TIMP2: variants seen among roughly 807,000 people sequenced by gnomAD.
TIMP2 encodes metalloproteinase inhibitor 2.
A neutral mutation model predicts 24.3 loss-of-function variants in TIMP2; 5 were observed. That is an observed-to-expected ratio of 0.21 (90% CI 0.11 to 0.43). The LOEUF is 0.43. Among genes scored for constraint, TIMP2 ranks in the 20% least tolerant of loss-of-function variants. The pLI is 1.00. For missense variants in TIMP2, 221 were observed against 297.5 expected (o/e 0.74, Z 1.89); for synonymous variants, 130 against 123.2 (o/e 1.06, Z -0.37).
At chr17:78,901,695 A>G in intron 1 of TIMP2, 2 of 716,194 alleles carry the variant, frequency 2.8e-6, no homozygotes, top group East Asian at 2.7e-5. Context: ...GATGGGGATG[A>G]TAACAACAGC....
At chr17:78,879,917 G>T (rs532745600) in intron 1 of TIMP2, among the ~76,000 whole-genome samples, 27 of 151,938 alleles carry the variant, frequency 1.8e-4, no homozygotes, top group African/African-American at 6.3e-4. Flanking sequence ...GAGTGGGGAC[G>T]GAAAAGAACC....
At chr17:78,866,260 C>T (rs773957882) in intron 3 of TIMP2, among the ~76,000 whole-genome samples, 1 of 152,194 alleles carries the variant, frequency 6.6e-6, no homozygotes, top group African/African-American at 2.4e-5. Flanking sequence ...GCCTCTGCCA[C>T]GCGCCACCGT....
rs953695267 is a variant in TIMP2 at position 78,924,205 on chromosome 17, G to A, written c.130+754C>T. ...TGGGGGCTAGGAGTCCGGAGGTCAT[G>A]GGTATTTGCTGGGGAATCTGAGCAG... On this transcript the variant is annotated intron_variant, in intron 1 of 4. Coordinates refer to ENST00000262768, the MANE Select transcript of TIMP2 (RefSeq NM_003255.5). This position sits in a 1 kb window ranked among gnomAD's most constrained non-coding sequence, Gnocchi z 5.3. 1.1e-4 allele frequency among the ~76,000 whole-genome samples: 17 copies of A among 152,240 alleles called. No individual in the cohort carries two copies. Among genetic ancestry groups the A allele is most frequent in the African/African-American group, 2.4e-5 (1 of 41,468 alleles).
chr17:78,885,117 G>T (rs539810382), intron 1 of TIMP2, among the ~76,000 whole-genome samples: 1 of 152,352 alleles, frequency 6.6e-6, no homozygotes, highest in South Asian at 2.1e-4. Flanking sequence ...AAGCCTCACG[G>T]ACCAACAGGG....
At chr17:78,884,062 C>T (rs1353536411) in intron 1 of TIMP2, among the ~76,000 whole-genome samples, 6 of 152,244 alleles carry the variant, frequency 3.9e-5, no homozygotes, top group Non-Finnish European at 8.8e-5. Context: ...TCAAGACCCA[C>T]GGAACAGCCA....
At chr17:78,910,018 A>C (rs1206060938) in intron 1 of TIMP2, among the ~76,000 whole-genome samples, 1 of 152,144 alleles carries the variant, frequency 6.6e-6, no homozygotes, top group East Asian at 1.9e-4. Context: ...TAATGGACAC[A>C]TAATTGTAAT....
At chr17:78,895,703 C>A (rs1354326273) in intron 1 of TIMP2, among the ~76,000 whole-genome samples, 2 of 152,318 alleles carry the variant, frequency 1.3e-5, no homozygotes, top group East Asian at 3.9e-4. Context: ...ACTTTCCCAG[C>A]TCACATGGAG....
At chr17:78,918,047 C>T (rs370075242) in intron 1 of TIMP2, among the ~76,000 whole-genome samples, 4 of 150,920 alleles carry the variant, frequency 2.7e-5, no homozygotes, top group East Asian at 3.9e-4. Context: ...AAAAAAAACA[C>T]GTACGCGTGC....
chr17:78,921,655 G>A (rs115548342), intron 1 of TIMP2, among the ~76,000 whole-genome samples: 1,780 of 152,290 alleles, frequency 0.012, 29 homozygotes, highest in African/African-American at 0.04. Flanking sequence ...GGCCAGCAGC[G>A]CATTTGAACA....
chr17:78,890,805 A>C (rs1294031079), intron 1 of TIMP2: 2 of 1,550,502 alleles, frequency 1.3e-6, no homozygotes, highest in Admixed American at 2.0e-5. Context: ...CTGAGCTCAG[A>C]TCCTCTCTCC....
intron 1 of TIMP2, chr17:78,892,464 G>C: frequency 8.4e-6 from 13 of 1,544,228 alleles, no homozygotes; most frequent in Non-Finnish European, 1.0e-5. Context: ...GCAAACCTAC[G>C]AGGAAGGGAG....
In TIMP2 at chr17:78,857,654, G is replaced by A; in HGVS notation, c.341-8C>T. On this transcript the variant is annotated splice_region_variant and splice_polypyrimidine_tract_variant and intron_variant, in intron 3 of 4. Coordinates refer to ENST00000262768, the MANE Select transcript of TIMP2 (RefSeq NM_003255.5). ...CGTCCCCCTCGGCCTTTCCTGCGGA[G>A]AGACGGGGATCACCGAGCTCAGGGA... is the stretch of plus-strand genomic sequence containing the variant. 6.2e-7 allele frequency: 1 copy of A among 1,614,044 alleles called. No homozygotes were observed. The highest frequency in any genetic ancestry group is 8.5e-7 in the Non-Finnish European group (1 of 1,180,008).
intron 1 of TIMP2, among the ~76,000 whole-genome samples, chr17:78,878,257 G>GGCT (rs2069746184): frequency 2.0e-5 from 3 of 152,292 alleles, no homozygotes; most frequent in Admixed American, 2.0e-4. Flanking sequence ...ACCCCTGGAT[G>GGCT]GCTGCGTGAT....
chr17:78,892,154 C>T, intron 1 of TIMP2: 1 of 1,550,946 alleles, frequency 6.4e-7, no homozygotes, highest in South Asian at 1.2e-5. Flanking sequence ...CTCCTGATAC[C>T]CTCTCCTCAA....
At chr17:78,858,460 G>C (rs1599144013) in intron 3 of TIMP2, among the ~76,000 whole-genome samples, 2 of 151,138 alleles carry the variant, frequency 1.3e-5, no homozygotes, top group Non-Finnish European at 3.0e-5. Flanking sequence ...AAAAAAAAAA[G>C]AAAAGAAAAA....
In TIMP2 at chr17:78,888,921, T is replaced by C. The variant is rs1035369872; in HGVS notation, c.131-15002A>G. ...GATACTAATGTGTCATGAACAAAGA[T>C]TGGTTGATCTAAGTCAATGTATCTG... On this transcript the variant is annotated intron_variant, in intron 1 of 4. Transcript: ENST00000262768. Among the ~76,000 whole-genome samples, 3 of 152,130 alleles carry C rather than the reference T, an allele frequency of 2.0e-5. No individual in the cohort carries two copies. In the East Asian group the frequency reaches 5.8e-4, roughly 29 times the overall value.
At position 78,900,370 on chromosome 17, in the gene TIMP2, A is replaced by G. The variant is rs542444695; in HGVS notation, c.130+24589T>C. On this transcript the variant is annotated intron_variant, in intron 1 of 4. Transcript: ENST00000262768. The stretch of plus-strand genomic sequence containing the variant: ...AGACCAGCCTGACCAACGTGGTGAA[A>G]CCTCGTCTCTACTAAATACAAAAAA... Among the ~76,000 whole-genome samples, 8 of 151,994 alleles carry G rather than the reference A, an allele frequency of 5.3e-5. No individual in the cohort carries two copies. In the South Asian group the frequency reaches 1.7e-3, roughly 32 times the overall value.
chr17:78,880,928 C>T (rs1233871429), intron 1 of TIMP2, among the ~76,000 whole-genome samples: 3 of 152,240 alleles, frequency 2.0e-5, no homozygotes, highest in Non-Finnish European at 4.4e-5. Flanking sequence ...AGACCACTCA[C>T]AGCCTCTCCC....
At chr17:78,892,143 C>A (rs569461203) in intron 1 of TIMP2, 1 of 1,550,822 alleles carries the variant, frequency 6.4e-7, no homozygotes, top group Non-Finnish European at 8.7e-7. Context: ...AGGTGCTGTG[C>A]CTCCTGATAC....
Sources: allele counts gnomAD v4.1 joint callset (sites outside exome capture counted in the v4.1 genomes callset), GRCh38; gene constraint gnomAD v4.1.1; non-coding constraint Gnocchi (gnomAD v3.1); transcripts MANE v1.5; gene names NCBI Gene and HGNC (gene_info 2026-07-23, HGNC 2026-07-21).